DLG2: variants seen among roughly 807,000 people sequenced by gnomAD.
The protein encoded by DLG2 is disks large homolog 2.
A neutral mutation model predicts 132.5 loss-of-function variants in DLG2; 45 were observed. That is an observed-to-expected ratio of 0.34 (90% CI 0.27 to 0.44). The LOEUF is 0.44. DLG2 is among the 20% of genes least tolerant of loss of function. DLG2 has a pLI of 1.00. For missense variants in DLG2, 1,045 were observed against 1,196.9 expected (o/e 0.87, Z 1.87); for synonymous variants, 424 against 419.6 (o/e 1.01, Z -0.13).
rs547494326 is a variant in DLG2, at chr11:84,885,236, T to G, written c.357+226425A>C. Among the ~76,000 whole-genome samples, 34 of 151,140 alleles carry G rather than the reference T, an allele frequency of 2.2e-4. 2 individuals carry two copies. The highest frequency in any genetic ancestry group is 8.0e-4 in the African/African-American group (33 of 41,468). On this transcript the variant is annotated intron_variant, in intron 6 of 27. Transcript: ENST00000376104. ...TTTTATCGTAAAGAACTTAGAAAAC[T>G]TTCAAAAATGTTTTGGTAACAATTT...
chr11:84,111,562 T>C (rs2093350865), intron 9 of DLG2, among the ~76,000 whole-genome samples: 1 of 152,196 alleles, frequency 6.6e-6, no homozygotes, highest in Non-Finnish European at 1.5e-5. Context: ...ATCCAAAATA[T>C]TTGCATGATT....
At chr11:85,288,609 T>C (rs915441175) in intron 3 of DLG2, among the ~76,000 whole-genome samples, 5 of 152,018 alleles carry the variant, frequency 3.3e-5, no homozygotes, top group Non-Finnish European at 7.4e-5. Context: ...CAGTGAGCTG[T>C]GTTCATGCCA....
At chr11:83,785,393 T>C (rs2095011785) in intron 18 of DLG2, among the ~76,000 whole-genome samples, 1 of 152,188 alleles carries the variant, frequency 6.6e-6, no homozygotes, top group Non-Finnish European at 1.5e-5. Context: ...CCTACTGAAA[T>C]ACAAGTCTAC....
At chr11:84,795,759 C>G (rs1023856248) in intron 6 of DLG2, among the ~76,000 whole-genome samples, 1 of 152,176 alleles carries the variant, frequency 6.6e-6, no homozygotes, top group African/African-American at 2.4e-5. Flanking sequence ...GGAGCCAGGG[C>G]TGCCAAACCC....
intron 4 of DLG2, among the ~76,000 whole-genome samples, chr11:85,235,114 C>CA (rs2075514105): frequency 6.6e-6 from 1 of 151,918 alleles, no homozygotes; most frequent in Non-Finnish European, 1.5e-5. Flanking sequence ...GGATTAATTT[C>CA]AAAATCAATA....
intron 6 of DLG2, chr11:84,923,048 T>C (rs1033323104): frequency 3.1e-6 from 5 of 1,613,736 alleles, no homozygotes; most frequent in Non-Finnish European, 4.2e-6. Flanking sequence ...ATGTATATTG[T>C]GCCCAGTTGC....
chr11:83,533,751 G>A (rs560319922), intron 20 of DLG2, among the ~76,000 whole-genome samples: 2 of 152,332 alleles, frequency 1.3e-5, no homozygotes, highest in South Asian at 4.1e-4. Context: ...AGTGAGGCTA[G>A]CGAGGTGACA....
At chr11:85,044,271 C>A (rs183079745) in intron 6 of DLG2, among the ~76,000 whole-genome samples, 59 of 152,046 alleles carry the variant, frequency 3.9e-4, no homozygotes, top group African/African-American at 1.4e-3. Flanking sequence ...TCATAATTGC[C>A]TATTAACTTT....
intron 4 of DLG2, among the ~76,000 whole-genome samples, chr11:85,161,809 C>T (rs2078050013): frequency 6.6e-6 from 1 of 152,172 alleles, no homozygotes; most frequent in African/African-American, 2.4e-5. Flanking sequence ...CAATACTTTG[C>T]AGGGCTTGGC....
intron 17 of DLG2, among the ~76,000 whole-genome samples, chr11:83,792,374 T>C (rs2041813839): frequency 6.6e-6 from 1 of 152,172 alleles, no homozygotes; most frequent in South Asian, 2.1e-4. Flanking sequence ...ATTGCCCAGA[T>C]AGTGTACTGA....
intron 11 of DLG2, among the ~76,000 whole-genome samples, chr11:84,006,344 G>T (rs1243716114): frequency 6.6e-6 from 1 of 151,584 alleles, no homozygotes; most frequent in Non-Finnish European, 1.5e-5. Context: ...AATACACTTA[G>T]ATGAAACGTA....
At chr11:84,162,956 T>C (rs182339597) in intron 9 of DLG2, among the ~76,000 whole-genome samples, 1 of 152,268 alleles carries the variant, frequency 6.6e-6, no homozygotes, top group African/African-American at 2.4e-5. Flanking sequence ...TTCCTTAATT[T>C]GTCAAAGCAC....
At chr11:85,439,412 T>G (rs757056794) in intron 3 of DLG2, among the ~76,000 whole-genome samples, 1 of 151,076 alleles carries the variant, frequency 6.6e-6, no homozygotes, top group Non-Finnish European at 1.5e-5. Context: ...CAGGCTGCAG[T>G]GCAGTGGCTT....
At chr11:84,494,289 T>C (rs1225792774) in intron 7 of DLG2, among the ~76,000 whole-genome samples, 1 of 152,206 alleles carries the variant, frequency 6.6e-6, no homozygotes, top group Non-Finnish European at 1.5e-5. Context: ...TGAACCACTG[T>C]GCACCTGCTG....
At chr11:85,287,227 C>G (rs2078615702) in intron 3 of DLG2, among the ~76,000 whole-genome samples, 1 of 151,552 alleles carries the variant, frequency 6.6e-6, no homozygotes, top group Non-Finnish European at 1.5e-5. Flanking sequence ...ATAAAGAAAG[C>G]AAAAAGACAA....
intron 6 of DLG2, among the ~76,000 whole-genome samples, chr11:84,686,396 C>G (rs2099738205): frequency 2.0e-5 from 3 of 152,122 alleles, no homozygotes. Context: ...GTCTGGAGAT[C>G]TAAAATAACA....
chr11:84,978,011 T>C (rs539331099), intron 6 of DLG2, among the ~76,000 whole-genome samples: 3 of 152,304 alleles, frequency 2.0e-5, no homozygotes, highest in South Asian at 4.1e-4. Context: ...TGTATTCTTT[T>C]TATTCTAAAC....
intron 19 of DLG2, among the ~76,000 whole-genome samples, chr11:83,555,078 G>A (rs1480876691): frequency 6.6e-6 from 1 of 152,248 alleles, no homozygotes; most frequent in South Asian, 2.1e-4. Flanking sequence ...GGAGGGACCA[G>A]GTTGGGAAGG....
intron 3 of DLG2, among the ~76,000 whole-genome samples, chr11:85,382,842 T>A (rs567928888): frequency 1.4e-4 from 22 of 152,162 alleles, no homozygotes; most frequent in Non-Finnish European, 2.8e-4. Context: ...AAATAATAAG[T>A]TTTGCTTAAG....
Sources: allele counts gnomAD v4.1 joint callset (sites outside exome capture counted in the v4.1 genomes callset), GRCh38; gene constraint gnomAD v4.1.1; transcripts MANE v1.5; gene names NCBI Gene and HGNC (gene_info 2026-07-23, HGNC 2026-07-21).